The following RRBP1 variants were observed in gnomAD, a reference collection of about 807,000 sequenced individuals.
The protein encoded by RRBP1 is ribosome-binding protein 1.
Under a neutral mutation model 165.2 loss-of-function variants are expected in RRBP1, and 94 were observed. The observed-to-expected ratio is 0.57, with a 90% confidence interval of 0.48 to 0.68. The LOEUF is 0.68. RRBP1 is among the 30% of genes least tolerant of loss of function. The pLI is 0.00. For missense variants in RRBP1, 1,676 were observed against 1,763.0 expected (o/e 0.95, Z 0.88); for synonymous variants, 680 against 714.5 (o/e 0.95, Z 0.77).
intron 2 of RRBP1, among the ~76,000 whole-genome samples, chr20:17,670,063 T>C (rs2036947292): frequency 6.6e-6 from 1 of 152,194 alleles, no homozygotes; most frequent in Non-Finnish European, 1.5e-5. Context: ...CTAAAGCCTT[T>C]TTGCAGACAT....
At chr20:17,661,720 G>T (rs1468750470) in intron 2 of RRBP1, among the ~76,000 whole-genome samples, 1 of 152,168 alleles carries the variant, frequency 6.6e-6, no homozygotes, top group Non-Finnish European at 1.5e-5. Flanking sequence ...GAGAGGAGGG[G>T]AAGTGGACAG....
intron 18 of RRBP1, 128 bp downstream of exon 18, chr20:17,620,171 G>C (rs1407771583): frequency 4.1e-6 from 3 of 728,690 alleles, no homozygotes; most frequent in Non-Finnish European, 7.2e-6. Context: ...CCCTTGGCTT[G>C]AGAGAGAATG....
intron 3 of RRBP1, among the ~76,000 whole-genome samples, chr20:17,653,334 C>G (rs996136587): frequency 1.3e-5 from 2 of 152,382 alleles, no homozygotes; most frequent in Admixed American, 1.3e-4. Flanking sequence ...GCTATGCAGA[C>G]AGACCTTCTT....
At position 17,660,339 on chromosome 20, in the gene RRBP1, C is replaced by T. The variant is rs1162726077; in HGVS notation, c.169G>A (p.Val57Ile). 1 of 1,613,658 alleles carries T rather than the reference C, an allele frequency of 6.2e-7. No homozygotes were observed. The highest frequency in any genetic ancestry group is 1.3e-5 in the African/African-American group (1 of 74,908). Residue 57 changes from valine (V) to isoleucine (I), a missense_variant, in exon 3 of 25, where the codon GTC becomes ATC. Around this residue, in one of 5 missense-constraint regions of RRBP1, gnomAD observed 392 missense variants for 382.5 expected, o/e 1.02. Transcript: ENST00000377813. ...KEMAKTHHQK[V>I]EKKKKEKTVE... is the part of the protein sequence containing the mutation. ...GTTTTCTCCTTCTTTTTCTTCTCGA[C>T]TTTCTGGTGGTGAGTTTTCGCCATC...
chr20:17,620,322 C>T lies in RRBP1; in HGVS notation c.3556G>A (p.Gly1186Arg), dbSNP rs770184423. 1.2e-6 allele frequency: 2 copies of T among 1,613,818 alleles called. No individual in the cohort carries two copies. The highest frequency in any genetic ancestry group is 1.7e-6 in the Non-Finnish European group (2 of 1,179,884). Residue 1186 changes from glycine to arginine, a missense_variant, in exon 18 of 25, where the codon GGA (glycine) becomes AGA (arginine). By Grantham distance (125) the Gly-to-Arg change is moderately radical. Coordinates refer to ENST00000377813, the MANE Select transcript of RRBP1 (RefSeq NM_001365613.2). ...HLEEIVEKLK[G>R]ELESSDQVRE... ...ACCTGGTCCGAACTTTCAAGTTCTCCTTTTAGCTTCTCTACAATCTCTTCG... is the reference window on the plus strand; with the variant it reads ...ACCTGGTCCGAACTTTCAAGTTCTCTTTTTAGCTTCTCTACAATCTCTTCG...
At chr20:17,634,272 A>G (rs919712165) in intron 7 of RRBP1, among the ~76,000 whole-genome samples, 3 of 152,224 alleles carry the variant, frequency 2.0e-5, no homozygotes, top group Admixed American at 2.0e-4. Flanking sequence ...ACCAAGGGAC[A>G]CCACCAGACG....
chr20:17,656,647 A>G (rs2036650759), intron 3 of RRBP1, among the ~76,000 whole-genome samples: 1 of 152,114 alleles, frequency 6.6e-6, no homozygotes, highest in Non-Finnish European at 1.5e-5. Context: ...ACGTTCACAC[A>G]TTGACAGGAC....
Position 17,625,568 on chromosome 20 carries a change from C to T in RRBP1, c.2998G>A (p.Glu1000Lys), listed in dbSNP as rs754861396. The T allele has an allele frequency of 2.5e-6, 4 of 1,614,008 alleles. No homozygotes were observed. ...TCCCTGAGCTCGATGGCCTCCTTCT[C>T]CAGACCCGACACCTGGGACTCCAGC... ...KELESQVSGL[E>K]KEAIELREAV... The change falls in exon 12 of 25, where the codon GAG (glutamate) becomes AAG (lysine). Residue 1000 changes from glutamate (E) to lysine (K), a missense_variant. This residue lies in a region of RRBP1 where 1,184 missense variants were observed against 1,167.1 expected (regional missense o/e 1.01). Coordinates refer to ENST00000377813, the MANE Select transcript of RRBP1 (RefSeq NM_001365613.2).
In RRBP1 at chr20:17,659,939, T is replaced by C. The variant is rs749972909; in HGVS notation, c.569A>G (p.Asn190Ser). The C allele has an allele frequency of 3.3e-5, 52 of 1,584,416 alleles. No individual in the cohort carries two copies. Among genetic ancestry groups the C allele is most frequent in the Non-Finnish European group, 4.1e-5 (48 of 1,164,472 alleles). Reference protein sequence around the residue: ...VVVPPVGAKGNTPATGTTQGK... With the variant: ...VVVPPVGAKGSTPATGTTQGK... ...CTGAGTAGTGCCAGTGGCTGGTGTG[T>C]TGCCCTTGGCACCCACTGGGGGCAC... is the stretch of plus-strand genomic sequence containing the variant. The change falls in exon 3 of 25, where the codon AAC becomes AGC. Residue 190 changes from asparagine (N) to serine (S), a missense_variant. Asn to Ser is a conservative substitution (Grantham distance 46). Around this residue, in one of 5 missense-constraint regions of RRBP1, gnomAD observed 392 missense variants for 382.5 expected, o/e 1.02. Coordinates refer to ENST00000377813, the MANE Select transcript of RRBP1 (RefSeq NM_001365613.2).
At chr20:17,660,618 C>T (rs760413559) in intron 2 of RRBP1, 90 bp from the exon 3 acceptor site, 3 of 770,926 alleles carry the variant, frequency 3.9e-6, no homozygotes, top group Non-Finnish European at 6.4e-6. Flanking sequence ...TCAGGTTTCA[C>T]TAATTCTTTC....
chr20:17,666,934 G>C (rs1321953179), intron 2 of RRBP1, among the ~76,000 whole-genome samples: 2 of 152,120 alleles, frequency 1.3e-5, no homozygotes, highest in Non-Finnish European at 2.9e-5. Flanking sequence ...GTCTAATAAT[G>C]CCAGTTCACA....
At chr20:17,678,918 T>C (rs1008764030) in intron 2 of RRBP1, among the ~76,000 whole-genome samples, 3 of 152,214 alleles carry the variant, frequency 2.0e-5, no homozygotes, top group Non-Finnish European at 2.9e-5. Context: ...CCTTCAGCAC[T>C]GCCAGATTTT....
chr20:17,681,011 G>A (rs1353341484), intron 1 of RRBP1, among the ~76,000 whole-genome samples: 1 of 152,012 alleles, frequency 6.6e-6, no homozygotes, highest in Non-Finnish European at 1.5e-5. Context: ...ATTCGGAGAG[G>A]GGTCCCTGAA....
intron 21 of RRBP1, 34 bp from the exon 22 acceptor site, chr20:17,616,043 C>T (rs747928230): frequency 2.3e-5 from 36 of 1,580,870 alleles, no homozygotes; most frequent in South Asian, 1.1e-4. Context: ...CCCGGCAGCC[C>T]GGTGAGGAAC....
chr20:17,662,962 G>A (rs1225208493), intron 2 of RRBP1, among the ~76,000 whole-genome samples: 1 of 152,046 alleles, frequency 6.6e-6, no homozygotes, highest in African/African-American at 2.4e-5. Flanking sequence ...GATCGCTTGA[G>A]CTCTGGAGTT....
intron 2 of RRBP1, among the ~76,000 whole-genome samples, chr20:17,675,310 G>C (rs2037057311): frequency 6.6e-6 from 1 of 152,198 alleles, no homozygotes; most frequent in Admixed American, 6.5e-5. Flanking sequence ...GACTCCTTCA[G>C]GCTACATGAT....
chr20:17,655,668 T>G (rs2122428571), intron 3 of RRBP1, among the ~76,000 whole-genome samples: 1 of 152,332 alleles, frequency 6.6e-6, no homozygotes, highest in East Asian at 1.9e-4. Flanking sequence ...CACTGTTTCC[T>G]GAGGGGAGTC....
chr20:17,640,883 C>T (rs1211070503), intron 5 of RRBP1, among the ~76,000 whole-genome samples: 1 of 152,234 alleles, frequency 6.6e-6, no homozygotes, highest in Non-Finnish European at 1.5e-5. Context: ...GACAAAGGCA[C>T]CCGGAAGAAG....
intron 18 of RRBP1, 95 bp downstream of exon 18, chr20:17,620,204 A>G: frequency 2.2e-6 from 2 of 905,836 alleles, no homozygotes; most frequent in Admixed American, 1.8e-5. Flanking sequence ...CACACGGTCC[A>G]TGAGGAAGAA....
Sources: gnomAD v4.1 joint callset for allele counts (sites outside exome capture counted in the v4.1 genomes callset) on GRCh38, gnomAD v4.1.1 for gene constraint, gnomAD v4.1.1 regional missense constraint, MANE v1.5 for transcripts, NCBI Gene and HGNC (gene_info 2026-07-23, HGNC 2026-07-21) for gene names.